PPP2R5A: variants seen among roughly 807,000 people sequenced by gnomAD.
PPP2R5A encodes the protein protein phosphatase 2 regulatory subunit B'alpha.
PPP2R5A carries 25 observed loss-of-function variants against 64.2 expected under a neutral mutation model. The ratio of observed to expected loss-of-function variants is 0.39; its 90% CI spans 0.28 to 0.54. The LOEUF (loss-of-function observed/expected upper bound fraction) is 0.54. Among genes scored for constraint, PPP2R5A ranks in the 20% least tolerant of loss-of-function variants. The pLI is 0.67. For missense variants in PPP2R5A, 425 were observed against 576.3 expected, an observed-to-expected ratio of 0.74 and a Z score of 2.69; for synonymous variants, 198 against 201.2, an observed-to-expected ratio of 0.98 and a Z score of 0.13.
chr1:212,309,230 C>T (rs1658979088), intron 1 of PPP2R5A: 7 of 1,424,196 alleles, frequency 4.9e-6, no homozygotes, highest in East Asian at 2.3e-5. Context: ...ACAATGAACA[C>T]AAGTGTATTG....
At chr1:212,344,057 G>A (rs1022344677) in intron 4 of PPP2R5A, among the ~76,000 whole-genome samples, 7 of 151,978 alleles carry the variant, frequency 4.6e-5, no homozygotes, top group African/African-American at 9.7e-5. Flanking sequence ...CTGCAACCTC[G>A]GCCTCCCAGG....
chr1:212,286,150 G>A lies in PPP2R5A; in HGVS notation c.40G>A (p.Ala14Thr). The part of the protein sequence containing the change: ...SSPPAGAASA[A>T]ISASEKVDGF... The stretch of plus-strand genomic sequence containing the variant: ...GCCGCCGGCGGGGGCTGCCAGCGCC[G>A]CCATCTCGGCCTCGGAGAAAGTGGA... Residue 14 changes from alanine to threonine, a missense_variant, in exon 1 of 13, where the codon GCC (alanine) becomes ACC (threonine). Coordinates refer to ENST00000261461, the MANE Select transcript of PPP2R5A (RefSeq NM_006243.4). 5 of 1,586,308 alleles carry A rather than the reference G, an allele frequency of 3.2e-6. No homozygotes were observed. The highest frequency in any genetic ancestry group is 1.4e-5 in the African/African-American group (1 of 73,806).
At chr1:212,289,185 T>C (rs1002179297) in intron 1 of PPP2R5A, among the ~76,000 whole-genome samples, 2 of 152,240 alleles carry the variant, frequency 1.3e-5, no homozygotes, top group African/African-American at 2.4e-5. Flanking sequence ...ATTTTAAAAT[T>C]ATTTTACCTT....
intron 1 of PPP2R5A, among the ~76,000 whole-genome samples, chr1:212,291,869 G>C (rs1273238946): frequency 6.6e-6 from 1 of 152,182 alleles, no homozygotes; most frequent in East Asian, 1.9e-4. Flanking sequence ...GAGCTGGCAG[G>C]TAAAATCGAG....
intron 1 of PPP2R5A, among the ~76,000 whole-genome samples, chr1:212,310,374 T>G (rs1273454285): frequency 2.0e-5 from 3 of 152,140 alleles, no homozygotes; most frequent in Non-Finnish European, 4.4e-5. Flanking sequence ...CTCCCCATTA[T>G]CTTTCACCAA....
chr1:212,306,300 C>T (rs753617740), intron 1 of PPP2R5A, among the ~76,000 whole-genome samples: 5 of 151,002 alleles, frequency 3.3e-5, no homozygotes, highest in Non-Finnish European at 5.9e-5. Flanking sequence ...GGTAGTGTGG[C>T]GTGCCTGGGC....
In PPP2R5A at chr1:212,343,204, C is replaced by T. The variant is rs374104115; in HGVS notation, c.573+924C>T. 1.6e-3 allele frequency among the ~76,000 whole-genome samples: 237 copies of T among 152,294 alleles called. 2 individuals carry two copies. The South Asian group carries it at 0.025, about 16-fold the overall frequency. On this transcript the variant is annotated intron_variant, in intron 4 of 12. Coordinates refer to ENST00000261461, the MANE Select transcript of PPP2R5A (RefSeq NM_006243.4). ...CTGGCCTCAAGGGATCCTCCCACCT[C>T]AGCCTCCTAAAGAGCTAGGATTACA...
intron 1 of PPP2R5A, among the ~76,000 whole-genome samples, chr1:212,313,461 G>A (rs1303884472): frequency 6.6e-6 from 1 of 152,066 alleles, no homozygotes; most frequent in African/African-American, 2.4e-5. Context: ...GGTCATTTAT[G>A]TTTCATGTGA....
At chr1:212,293,780 G>A (rs935067949) in intron 1 of PPP2R5A, among the ~76,000 whole-genome samples, 2 of 151,950 alleles carry the variant, frequency 1.3e-5, no homozygotes, top group Admixed American at 6.6e-5. Context: ...CTGGAATGGT[G>A]ATGCTAATTG....
At chr1:212,323,726 C>T (rs3121292) in intron 1 of PPP2R5A, among the ~76,000 whole-genome samples, 1,722 of 152,240 alleles carry the variant, frequency 0.011, 28 homozygotes, top group African/African-American at 0.039. Context: ...ACATTAATTT[C>T]TTTCTAGAGG....
intron 1 of PPP2R5A, among the ~76,000 whole-genome samples, chr1:212,301,429 G>A (rs563847114): frequency 3.4e-4 from 52 of 152,186 alleles, no homozygotes; most frequent in African/African-American, 1.3e-3. Flanking sequence ...GTATTGTAGG[G>A]GTTTTCTTAA....
intron 5 of PPP2R5A, among the ~76,000 whole-genome samples, chr1:212,347,138 CAA>C (rs1422545622): frequency 6.6e-6 from 1 of 152,138 alleles, no homozygotes; most frequent in African/African-American, 2.4e-5. Flanking sequence ...CGAGTTTTGG[CAA>C]AGGCATATGT....
intron 1 of PPP2R5A, chr1:212,306,674 T>G (rs1401214301): frequency 2.0e-5 from 3 of 152,078 alleles, no homozygotes; most frequent in Non-Finnish European, 4.4e-5. Context: ...TCTGGAGACT[T>G]AGATCATTTT....
In PPP2R5A at chr1:212,302,199, A is replaced by ATTC. The variant is rs1475726387; in HGVS notation, c.181+15908_181+15909insTTC. 5.7e-6 allele frequency: 6 copies of ATTC among 1,054,956 alleles called. No homozygotes were observed. In the East Asian group the frequency reaches 1.6e-4, roughly 28 times the overall value. The allele number at this position is 1,054,956 out of a possible 1,614,324, so 65.3% of individuals were successfully genotyped here. ...AAGATGCATTTGAAACAGTACAAGC[A>ATTC]AAACCACATTACAGGGGAAAACTAC... On this transcript the variant is annotated intron_variant, in intron 1 of 12. Transcript: ENST00000261461.
intron 1 of PPP2R5A, among the ~76,000 whole-genome samples, chr1:212,326,448 T>A (rs1241124460): frequency 6.6e-6 from 1 of 151,808 alleles, no homozygotes; most frequent in African/African-American, 2.4e-5. Context: ...AATACAAAAA[T>A]TAGCTGGGCG....
At chr1:212,302,959 G>T (rs909974042) in intron 1 of PPP2R5A, among the ~76,000 whole-genome samples, 8 of 152,082 alleles carry the variant, frequency 5.3e-5, no homozygotes, top group Non-Finnish European at 8.8e-5. Flanking sequence ...ATATTCTATT[G>T]TATGGTTATA....
chr1:212,351,976 TTATTTTA>T (rs1169382548), intron 8 of PPP2R5A, among the ~76,000 whole-genome samples: 2 of 150,178 alleles, frequency 1.3e-5, no homozygotes, highest in Non-Finnish European at 3.0e-5. Flanking sequence ...CTTTTTTATT[TTATTTTA>T]TATTTTATTT....
chr1:212,351,660 G>A (rs1043955420), intron 8 of PPP2R5A, among the ~76,000 whole-genome samples: 1 of 152,090 alleles, frequency 6.6e-6, no homozygotes, highest in Non-Finnish European at 1.5e-5. Flanking sequence ...ACCCAGGAGG[G>A]CAGAGGTTGC....
At chr1:212,340,247 A>G (rs1659665286) in intron 3 of PPP2R5A, among the ~76,000 whole-genome samples, 1 of 152,132 alleles carries the variant, frequency 6.6e-6, no homozygotes, top group South Asian at 2.1e-4. Flanking sequence ...ATCAAAACAA[A>G]TGCAGGGCTC....
Sources: gnomAD v4.1 joint callset for allele counts (sites outside exome capture counted in the v4.1 genomes callset) on GRCh38, gnomAD v4.1.1 for gene constraint, MANE v1.5 for transcripts, NCBI Gene and HGNC (gene_info 2026-07-23, HGNC 2026-07-21) for gene names.